Variants in PRKCH observed in about 807,000 individuals in gnomAD.
The protein encoded by PRKCH is protein kinase C eta type.
PRKCH carries 28 observed loss-of-function variants against 82.5 expected under a neutral mutation model. That is an observed-to-expected ratio of 0.34 (90% CI 0.25 to 0.47). The LOEUF (loss-of-function observed/expected upper bound fraction) is 0.47, where lower values mean the gene tolerates loss of function less well. Among genes scored for constraint, PRKCH ranks in the 20% least tolerant of loss-of-function variants. The pLI is 1.00. For missense variants in PRKCH, 705 were observed against 881.8 expected, an observed-to-expected ratio of 0.80 and a Z score of 2.54; for synonymous variants, 322 against 327.4, an observed-to-expected ratio of 0.98 and a Z score of 0.18.
intron 1 of PRKCH, among the ~76,000 whole-genome samples, chr14:61,205,765 C>G (rs115789626): frequency 1.3e-5 from 2 of 152,130 alleles, no homozygotes; most frequent in African/African-American, 4.8e-5. Context: ...GAATGGTAGT[C>G]GGTGGTGAAT....
intron 1 of PRKCH, among the ~76,000 whole-genome samples, chr14:61,284,362 G>A (rs1327004295): frequency 1.3e-5 from 2 of 152,182 alleles, no homozygotes; most frequent in Non-Finnish European, 2.9e-5. Flanking sequence ...GAAAGGCGAA[G>A]AAAATGAAAC....
chr14:61,250,693 C>T (rs1314604452), intron 1 of PRKCH, among the ~76,000 whole-genome samples: 4 of 152,066 alleles, frequency 2.6e-5, no homozygotes, highest in Non-Finnish European at 5.9e-5. Flanking sequence ...TTTGTCCAAA[C>T]TCATAGAATG....
chr14:61,513,699 A>G (rs940499946), intron 10 of PRKCH, among the ~76,000 whole-genome samples: 2 of 152,150 alleles, frequency 1.3e-5, no homozygotes, highest in Admixed American at 1.3e-4. Context: ...GCGGACTTAT[A>G]TTGTCATGTA....
intron 10 of PRKCH, among the ~76,000 whole-genome samples, chr14:61,505,907 C>T (rs530263455): frequency 2.0e-5 from 3 of 152,066 alleles, no homozygotes; most frequent in Non-Finnish European, 4.4e-5. Context: ...TGGTTCTAAC[C>T]AGAGGGGACT....
intron 10 of PRKCH, among the ~76,000 whole-genome samples, chr14:61,512,703 T>C (rs1887431093): frequency 6.6e-6 from 1 of 152,172 alleles, no homozygotes; most frequent in Non-Finnish European, 1.5e-5. Flanking sequence ...ACACAAGATA[T>C]ACAGGAGTGA....
intron 1 of PRKCH, among the ~76,000 whole-genome samples, chr14:61,358,829 C>T (rs930971668): frequency 3.3e-5 from 5 of 152,260 alleles, no homozygotes; most frequent in African/African-American, 1.2e-4. Flanking sequence ...TCTTTAGGCT[C>T]TTTCCCACCT....
intron 1 of PRKCH, among the ~76,000 whole-genome samples, chr14:61,223,729 A>T (rs1291865838): frequency 5.9e-5 from 9 of 152,184 alleles, no homozygotes; most frequent in African/African-American, 2.2e-4. Flanking sequence ...TGGAACTGTC[A>T]TGGCCAGAGG....
rs890356765 is a variant in PRKCH at position 61,251,327 on chromosome 14, C to A, written c.-19+63659C>A. On this transcript the variant is annotated intron_variant, in intron 1 of 3. Transcript: ENST00000555185. ...CGTTCTTTCTAATTATTTTTTGTAC[C>A]CATTAACCATCCCACTTTCCCTCCA... Among the ~76,000 whole-genome samples, 16 of 151,866 alleles carry A rather than the reference C, an allele frequency of 1.1e-4. No individual in the cohort carries two copies. The East Asian group carries it at 3.1e-3, about 29-fold the overall frequency.
chr14:61,395,459 T>A (rs2046764845), intron 2 of PRKCH, among the ~76,000 whole-genome samples: 1 of 152,122 alleles, frequency 6.6e-6, no homozygotes, highest in Non-Finnish European at 1.5e-5. Flanking sequence ...TCTTGGATAC[T>A]GAAAGCCTTC....
intron 1 of PRKCH, among the ~76,000 whole-genome samples, chr14:61,266,988 C>G (rs2045109022): frequency 6.6e-6 from 1 of 152,068 alleles, no homozygotes; most frequent in African/African-American, 2.4e-5. Context: ...CACGCCAAGT[C>G]TAAATAGACT....
chr14:61,532,624 AAGATTCCTATGGAATTTTTAAGACTT>A (rs148994826), intron 12 of PRKCH, among the ~76,000 whole-genome samples: 16,287 of 152,224 alleles, frequency 0.11, 1,240 homozygotes, highest in East Asian at 0.22. Context: ...AAGCAAGGTT[AAGATTCCTATGGAATTTTTAAGACTT>A]GTTTCTTTTT....
At chr14:61,438,548 T>C (rs1259230736) in intron 2 of PRKCH, among the ~76,000 whole-genome samples, 1 of 152,208 alleles carries the variant, frequency 6.6e-6, no homozygotes, top group Non-Finnish European at 1.5e-5. Context: ...TATAAAACCA[T>C]AAATTCGAGC....
intron 2 of PRKCH, among the ~76,000 whole-genome samples, chr14:61,420,849 A>G (rs1391427103): frequency 6.6e-6 from 1 of 152,056 alleles, no homozygotes; most frequent in Non-Finnish European, 1.5e-5. Flanking sequence ...TCTCTCTATC[A>G]ACCCCATTTC....
At chr14:61,312,376 G>T (rs2045532006) in intron 1 of PRKCH, among the ~76,000 whole-genome samples, 1 of 151,996 alleles carries the variant, frequency 6.6e-6, no homozygotes, top group South Asian at 2.1e-4. Flanking sequence ...CACCAAATAG[G>T]GTCATGATGA....
chr14:61,459,212 T>G (rs1163634108), intron 9 of PRKCH, among the ~76,000 whole-genome samples: 5 of 152,278 alleles, frequency 3.3e-5, no homozygotes, highest in African/African-American at 1.2e-4. Context: ...CTGGGCATGT[T>G]CCTGGCCTGT....
intron 1 of PRKCH, among the ~76,000 whole-genome samples, chr14:61,215,658 CT>C (rs1341312225): frequency 6.6e-6 from 1 of 152,048 alleles, no homozygotes; most frequent in Non-Finnish European, 1.5e-5. Context: ...TTGATAAGTG[CT>C]TGTTATTTAA....
intron 9 of PRKCH, among the ~76,000 whole-genome samples, chr14:61,459,336 G>A (rs1016840962): frequency 8.5e-5 from 13 of 152,346 alleles, no homozygotes; most frequent in Admixed American, 7.2e-4. Flanking sequence ...GACCAAACGA[G>A]TGAATTAGAA....
chr14:61,484,396 C>G (rs995820738), intron 9 of PRKCH, among the ~76,000 whole-genome samples: 1 of 150,110 alleles, frequency 6.7e-6, no homozygotes, highest in Non-Finnish European at 1.5e-5. Context: ...GCTCCGAACT[C>G]AGCACCAGCT....
chr14:61,328,644 C>G (rs534017775), intron 1 of PRKCH, among the ~76,000 whole-genome samples: 73 of 151,944 alleles, frequency 4.8e-4, no homozygotes, highest in African/African-American at 1.6e-3. Context: ...GTAGCATTTG[C>G]GTAGAATAAT....
Sources: gnomAD v4.1 joint callset for allele counts (sites outside exome capture counted in the v4.1 genomes callset) on GRCh38, gnomAD v4.1.1 for gene constraint, MANE v1.5 for transcripts, NCBI Gene and HGNC (gene_info 2026-07-23, HGNC 2026-07-21) for gene names.